REEP1: variants seen among roughly 807,000 people sequenced by gnomAD.
The protein encoded by REEP1 is receptor expression-enhancing protein 1.
Under a neutral mutation model 40.3 loss-of-function variants are expected in REEP1, and 22 were observed. The observed-to-expected ratio is 0.55, with a 90% CI of 0.39 to 0.78. REEP1 has a LOEUF of 0.78. Among genes scored for constraint, REEP1 ranks in the 30% least tolerant of loss-of-function variants. The probability of loss-of-function intolerance (pLI) is 0.00; values close to 1 mark genes in which losing one functional copy is unlikely to be tolerated. For missense variants in REEP1, 280 were observed against 361.1 expected (o/e 0.78, Z 1.82); for synonymous variants, 116 against 139.2 (o/e 0.83, Z 1.17).
At chr2:86,334,807 G>A (rs1339297024) in intron 1 of REEP1, among the ~76,000 whole-genome samples, 2 of 152,086 alleles carry the variant, frequency 1.3e-5, no homozygotes, top group East Asian at 3.8e-4. Flanking sequence ...CTCTCATAGG[G>A]TTCCCGGGGA....
intron 1 of REEP1, among the ~76,000 whole-genome samples, chr2:86,304,868 G>C (rs970476187): frequency 6.6e-6 from 1 of 152,152 alleles, no homozygotes; most frequent in Admixed American, 6.5e-5. Flanking sequence ...TTAAAACAAA[G>C]ACTGTAAACT....
intron 1 of REEP1, among the ~76,000 whole-genome samples, chr2:86,290,085 C>G (rs940672061): frequency 2.0e-5 from 3 of 152,216 alleles, no homozygotes; most frequent in African/African-American, 7.2e-5. Flanking sequence ...CAACCTCCAT[C>G]TCCTGGGTTC....
intron 8 of REEP1, among the ~76,000 whole-genome samples, chr2:86,218,944 T>C (rs919573841): frequency 2.6e-5 from 4 of 152,360 alleles, no homozygotes; most frequent in South Asian, 2.1e-4. Context: ...TTGCTTCAGA[T>C]GGCCTCTCAG....
chr2:86,277,283 T>C (rs1337680796), intron 2 of REEP1, among the ~76,000 whole-genome samples: 1 of 152,052 alleles, frequency 6.6e-6, no homozygotes, highest in Non-Finnish European at 1.5e-5. Flanking sequence ...TTGCTTGGCG[T>C]GGTGGCTCAC....
At chr2:86,321,191 G>C (rs1316794643) in intron 1 of REEP1, among the ~76,000 whole-genome samples, 1 of 152,044 alleles carries the variant, frequency 6.6e-6, no homozygotes, top group African/African-American at 2.4e-5. Flanking sequence ...GAAGAAGAGG[G>C]GAGAAGGAAT....
chr2:86,294,828 C>T (rs939488526), intron 1 of REEP1, among the ~76,000 whole-genome samples: 4 of 152,056 alleles, frequency 2.6e-5, no homozygotes, highest in Non-Finnish European at 4.4e-5. Flanking sequence ...AATTGTGTGG[C>T]TCATAAGAAA....
chr2:86,291,458 C>G (rs897012362), intron 1 of REEP1, among the ~76,000 whole-genome samples: 3 of 152,148 alleles, frequency 2.0e-5, no homozygotes, highest in South Asian at 2.1e-4. Flanking sequence ...ATTCTGCCAG[C>G]CTCTCTGTAG....
intron 1 of REEP1, among the ~76,000 whole-genome samples, chr2:86,320,365 G>A (rs939567501): frequency 6.6e-6 from 1 of 152,102 alleles, no homozygotes; most frequent in African/African-American, 2.4e-5. Flanking sequence ...ACACCTAACC[G>A]AAGCAAATGC....
chr2:86,315,942 T>G (rs1461885594), intron 1 of REEP1, among the ~76,000 whole-genome samples: 1 of 152,136 alleles, frequency 6.6e-6, no homozygotes, highest in East Asian at 1.9e-4. Context: ...TTGTCTCCCA[T>G]AGGAGATGCT....
chr2:86,282,131 C>A, intron 2 of REEP1, 39 bp downstream of exon 2: 5 of 1,449,338 alleles, frequency 3.4e-6, no homozygotes, highest in Non-Finnish European at 4.9e-6. Flanking sequence ...CCTGACCTGA[C>A]TCCAGCCAAC....
intron 5 of REEP1, among the ~76,000 whole-genome samples, chr2:86,241,159 G>T (rs563579379): frequency 1.3e-5 from 2 of 152,298 alleles, no homozygotes; most frequent in Admixed American, 6.5e-5. Context: ...CCTTGCCTGT[G>T]GAAGTCTCAG....
intron 1 of REEP1, among the ~76,000 whole-genome samples, chr2:86,284,929 G>A (rs1678309359): frequency 6.6e-6 from 1 of 152,222 alleles, no homozygotes; most frequent in Non-Finnish European, 1.5e-5. Flanking sequence ...TAAAAGCTCA[G>A]TAACACTTAG....
intron 4 of REEP1, among the ~76,000 whole-genome samples, chr2:86,252,520 C>T (rs925688787): frequency 7.9e-5 from 12 of 152,118 alleles, no homozygotes; most frequent in Non-Finnish European, 1.3e-4. Context: ...TTCTGAAAAA[C>T]GAGGATAATG....
At chr2:86,315,573 T>C (rs1242185538) in intron 1 of REEP1, among the ~76,000 whole-genome samples, 2 of 152,066 alleles carry the variant, frequency 1.3e-5, no homozygotes, top group African/African-American at 2.4e-5. Context: ...GATGATAGAG[T>C]GCACCTGCTG....
intron 1 of REEP1, among the ~76,000 whole-genome samples, chr2:86,334,715 C>A (rs1680931960): frequency 6.6e-6 from 1 of 152,080 alleles, no homozygotes; most frequent in Non-Finnish European, 1.5e-5. Context: ...GGATGAGGAG[C>A]CCAGAGCCCA....
At chr2:86,279,599 T>G (rs1352779831) in intron 2 of REEP1, among the ~76,000 whole-genome samples, 1 of 152,220 alleles carries the variant, frequency 6.6e-6, no homozygotes, top group East Asian at 1.9e-4. Context: ...ATGACCCAGG[T>G]GGGCCCCATG....
intron 5 of REEP1, among the ~76,000 whole-genome samples, chr2:86,236,147 T>G (rs1675310063): frequency 1.3e-5 from 2 of 150,250 alleles, no homozygotes; most frequent in Admixed American, 6.7e-5. Flanking sequence ...ACCCGGGAGG[T>G]GGAGGTTGCA....
chr2:86,312,552 A>G (rs1006723831), intron 1 of REEP1, among the ~76,000 whole-genome samples: 2 of 152,206 alleles, frequency 1.3e-5, no homozygotes, highest in African/African-American at 4.8e-5. Flanking sequence ...ATGTTTAAGA[A>G]CTGAACAACA....
At chr2:86,297,827 G>T in intron 1 of REEP1, 1 of 490,586 alleles carries the variant, frequency 2.0e-6, no homozygotes, top group Non-Finnish European at 2.6e-6. Flanking sequence ...CTAAGGTCCA[G>T]CCTGGGTCCC....
Sources: gnomAD v4.1 joint callset for allele counts (sites outside exome capture counted in the v4.1 genomes callset) on GRCh38, gnomAD v4.1.1 for gene constraint, MANE v1.5 for transcripts, NCBI Gene and HGNC (gene_info 2026-07-23, HGNC 2026-07-21) for gene names.